SYNDIG1: variants seen among roughly 807,000 people sequenced by gnomAD.
SYNDIG1 encodes synapse differentiation inducing 1.
SYNDIG1 carries 9 observed loss-of-function variants against 19.4 expected under a neutral mutation model. The ratio of observed to expected loss-of-function variants is 0.46; its 90% CI spans 0.28 to 0.81. The LOEUF (loss-of-function observed/expected upper bound fraction) is 0.81, where lower values mean the gene tolerates loss of function less well. Among genes scored for constraint, SYNDIG1 ranks in the 30% least tolerant of loss-of-function variants. The pLI is 0.12. For missense variants in SYNDIG1, 311 were observed against 343.3 expected (o/e 0.91, Z 0.74); for synonymous variants, 141 against 145.9 (o/e 0.97, Z 0.24).
At chr20:24,516,546 A>C (rs575283520) in intron 1 of SYNDIG1, among the ~76,000 whole-genome samples, 1 of 152,240 alleles carries the variant, frequency 6.6e-6, no homozygotes, top group Non-Finnish European at 1.5e-5. Flanking sequence ...ACATTTATGC[A>C]GCCAACAGAC....
intron 2 of SYNDIG1, among the ~76,000 whole-genome samples, chr20:24,554,215 T>C (rs1395985937): frequency 2.0e-5 from 3 of 152,194 alleles, no homozygotes; most frequent in Non-Finnish European, 2.9e-5. Context: ...GCTGAGACAA[T>C]GGGGTTTTCT....
intron 3 of SYNDIG1, among the ~76,000 whole-genome samples, chr20:24,662,775 C>G (rs1169445323): frequency 6.6e-6 from 1 of 152,268 alleles, no homozygotes; most frequent in South Asian, 2.1e-4. Flanking sequence ...ACAAACTTCA[C>G]TTGCAACCTG....
chr20:24,638,379 G>A (rs2059336752), intron 3 of SYNDIG1, among the ~76,000 whole-genome samples: 1 of 152,154 alleles, frequency 6.6e-6, no homozygotes, highest in Non-Finnish European at 1.5e-5. Context: ...TGTCTCCAGA[G>A]GGTCTCACTC....
chr20:24,581,636 C>T (rs1309985432), intron 2 of SYNDIG1, among the ~76,000 whole-genome samples: 4 of 152,180 alleles, frequency 2.6e-5, no homozygotes, highest in Non-Finnish European at 4.4e-5. Context: ...TCGACAGGGC[C>T]GTGTGTGATG....
chr20:24,488,473 A>G (rs1317090232), intron 1 of SYNDIG1, among the ~76,000 whole-genome samples: 1 of 152,236 alleles, frequency 6.6e-6, no homozygotes, highest in Non-Finnish European at 1.5e-5. Flanking sequence ...ACAATGGTAG[A>G]CCAGCTGGAC....
intron 3 of SYNDIG1, among the ~76,000 whole-genome samples, chr20:24,599,224 A>C (rs2058641768): frequency 6.6e-6 from 1 of 152,236 alleles, no homozygotes; most frequent in Non-Finnish European, 1.5e-5. Context: ...TAACAGATGT[A>C]TGAAAAAATG....
At chr20:24,516,797 A>C (rs550671616) in intron 1 of SYNDIG1, among the ~76,000 whole-genome samples, 33 of 152,312 alleles carry the variant, frequency 2.2e-4, no homozygotes, top group Non-Finnish European at 1.5e-5. Flanking sequence ...ATACCATTTG[A>C]CCCAGCCATC....
At chr20:24,621,858 A>G (rs1342080187) in intron 3 of SYNDIG1, among the ~76,000 whole-genome samples, 1 of 148,528 alleles carries the variant, frequency 6.7e-6, no homozygotes, top group African/African-American at 2.5e-5. Context: ...AAATAAGGAC[A>G]TTAGAAGTTT....
chr20:24,616,540 C>T (rs567124189), intron 3 of SYNDIG1, among the ~76,000 whole-genome samples: 6 of 152,378 alleles, frequency 3.9e-5, no homozygotes, highest in African/African-American at 1.4e-4. Context: ...TCTCAGCCAC[C>T]TCAGGGCCCA....
At chr20:24,505,766 C>T (rs1443128728) in intron 1 of SYNDIG1, among the ~76,000 whole-genome samples, 1 of 152,124 alleles carries the variant, frequency 6.6e-6, no homozygotes, top group Admixed American at 6.5e-5. Context: ...ATCAGAAATC[C>T]GAATATAGAA....
chr20:24,472,892 T>A lies in SYNDIG1; in HGVS notation c.-79+3139T>A, dbSNP rs2055510030. Among the ~76,000 whole-genome samples, 4 of 152,226 alleles carry A rather than the reference T, an allele frequency of 2.6e-5. No homozygotes were observed. In the South Asian group the frequency reaches 8.3e-4, roughly 32 times the overall value. On this transcript the variant is annotated intron_variant, in intron 1 of 3. Coordinates refer to ENST00000376862, the MANE Select transcript of SYNDIG1 (RefSeq NM_024893.3). ...TTATAAAGTGCACTATTTAAAGGTG[T>A]CCTTAGTTAACCTTTTGTAAGATGA...
At chr20:24,583,792 C>A (rs1223081488) in intron 2 of SYNDIG1, among the ~76,000 whole-genome samples, 1 of 152,182 alleles carries the variant, frequency 6.6e-6, no homozygotes, top group Non-Finnish European at 1.5e-5. Context: ...TCGCAAACCA[C>A]ATACCCCATG....
chr20:24,507,552 G>A (rs940285116), intron 1 of SYNDIG1, among the ~76,000 whole-genome samples: 1 of 152,160 alleles, frequency 6.6e-6, no homozygotes, highest in African/African-American at 2.4e-5. Context: ...GCCACACTCT[G>A]CTGCGCGCCT....
At position 24,538,068 on chromosome 20, in the gene SYNDIG1, TTTTA is replaced by T. The variant is rs2057397272; in HGVS notation, c.-78-4948_-78-4945del. Among the ~76,000 whole-genome samples the T allele has an allele frequency of 2.6e-5, 4 of 152,294 alleles. No individual in the cohort carries two copies. The South Asian group carries it at 8.3e-4, about 32-fold the overall frequency. The stretch of plus-strand genomic sequence containing the variant: ...CACATAGATAGCTCTTCTTTTTATG[TTTTA>T]TTTTAGTTCAGTTTAATTGAGTTTG... On this transcript the variant is annotated intron_variant, in intron 1 of 3. Transcript: ENST00000376862.
intron 1 of SYNDIG1, among the ~76,000 whole-genome samples, chr20:24,482,850 A>T (rs2055836980): frequency 6.6e-6 from 1 of 152,188 alleles, no homozygotes; most frequent in Non-Finnish European, 1.5e-5. Context: ...TTGTGTGAAT[A>T]TGTTATTCTC....
intron 3 of SYNDIG1, among the ~76,000 whole-genome samples, chr20:24,594,086 T>C (rs2058556518): frequency 6.6e-6 from 1 of 152,186 alleles, no homozygotes; most frequent in Admixed American, 6.5e-5. Flanking sequence ...TTTTGATGTC[T>C]TCACTGTGAA....
intron 3 of SYNDIG1, among the ~76,000 whole-genome samples, chr20:24,599,576 T>A (rs913826022): frequency 3.9e-5 from 6 of 152,184 alleles, no homozygotes; most frequent in Non-Finnish European, 8.8e-5. Flanking sequence ...AAATATGGAA[T>A]CAACCGAAGT....
At chr20:24,649,916 G>A (rs749745876) in intron 3 of SYNDIG1, among the ~76,000 whole-genome samples, 30 of 152,160 alleles carry the variant, frequency 2.0e-4, no homozygotes, top group Non-Finnish European at 3.7e-4. Flanking sequence ...AATAGAAAAT[G>A]CAAATAAAAC....
intron 1 of SYNDIG1, among the ~76,000 whole-genome samples, chr20:24,527,040 C>T (rs929032638): frequency 6.6e-6 from 1 of 152,154 alleles, no homozygotes; most frequent in Non-Finnish European, 1.5e-5. Flanking sequence ...TTGTGTTTCT[C>T]ATCAGTGCTG....
Sources: gnomAD v4.1 joint callset for allele counts (sites outside exome capture counted in the v4.1 genomes callset) on GRCh38, gnomAD v4.1.1 for gene constraint, MANE v1.5 for transcripts, NCBI Gene and HGNC (gene_info 2026-07-23, HGNC 2026-07-21) for gene names.